Variants in SLITRK3 observed in about 807,000 individuals in gnomAD.
SLITRK3 encodes the protein SLIT and NTRK like family member 3, also known as SLIT and NTRK-like protein 3.
Under a neutral mutation model 63.6 loss-of-function variants are expected in SLITRK3, and 16 were observed. The ratio of observed to expected loss-of-function variants is 0.25; its 90% confidence interval spans 0.17 to 0.38. SLITRK3 has a LOEUF of 0.38. Ranked by LOEUF, SLITRK3 falls within the 10% of genes least tolerant of loss-of-function variation. The pLI is 1.00. For missense variants in SLITRK3, 1,117 were observed against 1,181.4 expected (o/e 0.95, Z 0.80); for synonymous variants, 547 against 451.6 (o/e 1.21, Z -2.68).
At position 165,187,575 on chromosome 3, in the gene SLITRK3, C is replaced by T. The variant is rs556220289; in HGVS notation, c.*322G>A. 489 of 224,068 alleles carry T rather than the reference C, an allele frequency of 2.2e-3. 2 individuals are homozygous for T. Among genetic ancestry groups the T allele is most frequent in the Non-Finnish European group, 3.2e-3 (369 of 115,430 alleles). 13.9% of individuals were successfully genotyped at this position (224,068 alleles called of 1,614,324 possible). A position where few individuals can be genotyped will look rare whatever the true frequency, so the allele number is the denominator to read the frequency against. Reference sequence around the variant, plus strand: ...ACTTAATTAGGATCCATACAATGATCCCCAGTATATCTTATACATGGCACA... The same window carrying T: ...ACTTAATTAGGATCCATACAATGATTCCCAGTATATCTTATACATGGCACA... On this transcript the variant is annotated 3_prime_UTR_variant, in exon 2 of 2. Transcript: ENST00000475390.
In SLITRK3 at chr3:165,187,604, A is replaced by T. The variant is rs1718001679; in HGVS notation, c.*293T>A. 3.5e-6 allele frequency: 1 copy of T among 282,432 alleles called. No individual in the cohort carries two copies. Among genetic ancestry groups the T allele is most frequent in the Non-Finnish European group, 6.6e-6 (1 of 150,912 alleles). The allele number at this position is 282,432 out of a possible 1,614,324, so 17.5% of individuals were successfully genotyped here. On this transcript the variant is annotated 3_prime_UTR_variant, in exon 2 of 2. Coordinates refer to ENST00000475390, the MANE Select transcript of SLITRK3 (RefSeq NM_001318810.2). ...AGTATATCTTATACATGGCACAGTC[A>T]AAGTCTCAAGTTTCAGTATAAAAAA...
upstream of SLITRK3, chr3:165,196,793 A>T (rs1258268433): frequency 7.8e-6 from 1 of 128,958 alleles, no homozygotes; most frequent in Admixed American, 8.2e-5. Context: ...CCTCCGCGCC[A>T]ACTGTGTAAA....
Position 165,186,874 on chromosome 3 carries a change from A to T in SLITRK3, c.*1023T>A, listed in dbSNP as rs1717972884. ...AATCTTTGTGTGTGAGAGAGAAAAC[A>T]TTAAAAGTGCTTCCTACAAAGCTGT... On this transcript the variant is annotated 3_prime_UTR_variant, in exon 2 of 2. Transcript: ENST00000475390. 6.6e-6 allele frequency: 1 copy of T among 152,522 alleles called. No homozygotes were observed. 9.4% of individuals were successfully genotyped at this position (152,522 alleles called of 1,614,324 possible).
Position 165,189,170 on chromosome 3 carries a change from A to C in SLITRK3, c.1661T>G (p.Ile554Ser), listed in dbSNP as rs772951567. 1 of 1,614,192 alleles carries C rather than the reference A, an allele frequency of 6.2e-7. No individual in the cohort carries two copies. The highest frequency in any genetic ancestry group is 8.5e-7 in the Non-Finnish European group (1 of 1,180,032). ...ATTCTCATTGAGGTCTATCTGGACA[A>C]TGGCATTCAAGTGTTCCAGGACACC... is the stretch of plus-strand genomic sequence containing the variant. ...VAGVLEHLNA[I>S]VQIDLNENPW... Residue 554 changes from isoleucine to serine, a missense_variant, in exon 2 of 2, where the codon ATT (isoleucine) becomes AGT (serine). Ile to Ser is a moderately radical substitution (Grantham distance 142). Around this residue, in one of 4 missense-constraint regions of SLITRK3, gnomAD observed 158 missense variants for 197.2 expected, o/e 0.80. Coordinates refer to ENST00000475390, the MANE Select transcript of SLITRK3 (RefSeq NM_001318810.2). The surrounding 1 kb of genome is among the most constrained non-coding windows in gnomAD (Gnocchi z 4.0).
In SLITRK3 at chr3:165,189,806, G is replaced by A. The variant is rs200407313; in HGVS notation, c.1025C>T (p.Pro342Leu). ...AGCTTGGGAGGTGGAGGGTGGCCTT[G>A]GTGTTCGAGGCTGTTTGGTGGGCTT... The part of the protein sequence containing the change: ...QPKPTKQPRT[P>L]RPPSTSQALY... Residue 342 changes from proline to leucine, a missense_variant, in exon 2 of 2, where the codon CCA (proline) becomes CTA (leucine). By Grantham distance (98) the Pro-to-Leu change is moderately conservative. Transcript: ENST00000475390. This position sits in a 1 kb window ranked among gnomAD's most constrained non-coding sequence, Gnocchi z 4.0. 1.6e-5 allele frequency: 26 copies of A among 1,613,960 alleles called. No homozygotes were observed. Among genetic ancestry groups the A allele is most frequent in the Non-Finnish European group, 2.1e-5 (25 of 1,180,028 alleles).
chr3:165,188,660 C>A lies in SLITRK3; in HGVS notation c.2171G>T (p.Arg724Leu). 1 of 1,613,798 alleles carries A rather than the reference C, an allele frequency of 6.2e-7. No homozygotes were observed. Among genetic ancestry groups the A allele is most frequent in the Non-Finnish European group, 8.5e-7 (1 of 1,179,922 alleles). Residue 724 changes from arginine to leucine, a missense_variant, in exon 2 of 2, where the codon CGA becomes CTA. Transcript: ENST00000475390. ...GGGGGSGGGGRPTLSSPEKAP... is the reference protein window; with the variant it reads ...GGGGGSGGGGLPTLSSPEKAP... Reference sequence around the variant, plus strand: ...CTTCTCTGGAGAGGAAAGAGTTGGTCGACCACCACCCCCACTTCCGCCACC... The same window carrying A: ...CTTCTCTGGAGAGGAAAGAGTTGGTAGACCACCACCCCCACTTCCGCCACC...
chr3:165,187,697 C>T lies in SLITRK3; in HGVS notation c.*200G>A. 1 of 491,596 alleles carries T rather than the reference C, an allele frequency of 2.0e-6. No individual in the cohort carries two copies. Among genetic ancestry groups the T allele is most frequent in the African/African-American group, 1.9e-5 (1 of 52,356 alleles). The allele number at this position is 491,596 out of a possible 1,614,324, so 30.5% of individuals were successfully genotyped here. A position where few individuals can be genotyped will look rare whatever the true frequency, so the allele number is the denominator to read the frequency against. The stretch of plus-strand genomic sequence containing the variant: ...CATTGATTAATGATCTGAGTATGGC[C>T]CTTCCTCCAAATCGCATCTGAGAGG... On this transcript the variant is annotated 3_prime_UTR_variant, in exon 2 of 2. Transcript: ENST00000475390.
intron 1 of SLITRK3, among the ~76,000 whole-genome samples, chr3:165,192,065 A>G (rs1416253186): frequency 6.6e-6 from 1 of 152,236 alleles, no homozygotes; most frequent in East Asian, 1.9e-4. Flanking sequence ...ATCAATCAAA[A>G]TTTAATAGCT....
At chr3:165,193,740 T>G (rs1718323988) in intron 1 of SLITRK3, among the ~76,000 whole-genome samples, 1 of 152,122 alleles carries the variant, frequency 6.6e-6, no homozygotes, top group South Asian at 2.1e-4. Context: ...AATGGTACAT[T>G]TCACATTGCG....
intron 1 of SLITRK3, among the ~76,000 whole-genome samples, chr3:165,193,754 C>A (rs1242946010): frequency 6.6e-6 from 1 of 152,100 alleles, no homozygotes; most frequent in East Asian, 1.9e-4. Flanking sequence ...CATTGCGCCA[C>A]CGGGAAAGAC....
rs557072559 is a variant in SLITRK3 at position 165,187,987 on chromosome 3, G to T, written c.2844C>A (p.Thr948=). The change falls in exon 2 of 2, where the codon ACC becomes ACA. Residue 948 remains threonine (T), a synonymous_variant. Transcript: ENST00000475390. Reference sequence around the variant, plus strand: ...TTAACTCGAGGTAATCACTTTTTTGGGTTTGGTGGTCTGTGAAGCCCTTTC... The same window carrying T: ...TTAACTCGAGGTAATCACTTTTTTGTGTTTGGTGGTCTGTGAAGCCCTTTC... The part of the protein sequence containing the change: ...SAGKGFTDHQ[T]QKSDYLELRA... 1 of 1,613,816 alleles carries T rather than the reference G, an allele frequency of 6.2e-7. No individual in the cohort carries two copies. Among genetic ancestry groups the T allele is most frequent in the Admixed American group, 1.7e-5 (1 of 59,962 alleles).
At chr3:165,196,417 G>T (rs564198758), upstream of SLITRK3, among the ~76,000 whole-genome samples, 1 of 138,142 alleles carries the variant, frequency 7.2e-6, no homozygotes, top group Non-Finnish European at 1.6e-5. Context: ...CTCACTTCTC[G>T]AGCGGGAGAA....
In SLITRK3 at chr3:165,188,536, A is replaced by G; in HGVS notation, c.2295T>C (p.Ala765=). ...IYKPREEEEV[A]VSSAQEAGSA... ...TCCCTGCTTCTTGGGCTGATGAAAC[A>G]GCCACCTCCTCCTCCTCACGAGGCT... Residue 765 remains alanine (A), a synonymous_variant, in exon 2 of 2, where the codon GCT becomes GCC. Transcript: ENST00000475390. 6.2e-7 allele frequency: 1 copy of G among 1,613,864 alleles called. No individual in the cohort carries two copies. Among genetic ancestry groups the G allele is most frequent in the Non-Finnish European group, 8.5e-7 (1 of 1,179,974 alleles).
chr3:165,187,149 G>C lies in SLITRK3; in HGVS notation c.*748C>G, dbSNP rs866974818. On this transcript the variant is annotated 3_prime_UTR_variant, in exon 2 of 2. Coordinates refer to ENST00000475390, the MANE Select transcript of SLITRK3 (RefSeq NM_001318810.2). The stretch of plus-strand genomic sequence containing the variant: ...TAGCAGTGAAGGGTGGTAGAACTAT[G>C]GAGAGGAGAAAAATGGATCAAACCC... 3 of 152,724 alleles carry C rather than the reference G, an allele frequency of 2.0e-5. No homozygotes were observed. The highest frequency in any genetic ancestry group is 2.9e-5 in the Non-Finnish European group (2 of 68,578). 9.5% of individuals were successfully genotyped at this position (152,724 alleles called of 1,614,324 possible). A position where few individuals can be genotyped will look rare whatever the true frequency, so the allele number is the denominator to read the frequency against.
At chr3:165,193,330 G>A (rs985228787) in intron 1 of SLITRK3, among the ~76,000 whole-genome samples, 11 of 151,120 alleles carry the variant, frequency 7.3e-5, no homozygotes, top group Admixed American at 7.3e-4. Flanking sequence ...AACTCTCAAG[G>A]AAACCATCCC....
At chr3:165,196,725 C>T (rs2108213325), upstream of SLITRK3, 1 of 152,400 alleles carries the variant, frequency 6.6e-6, no homozygotes, top group African/African-American at 2.4e-5. Context: ...TCGGGAGCCC[C>T]CAGATCAGCC....
intron 1 of SLITRK3, among the ~76,000 whole-genome samples, chr3:165,194,718 G>A (rs1251991920): frequency 6.6e-6 from 1 of 152,178 alleles, no homozygotes; most frequent in Non-Finnish European, 1.5e-5. Context: ...GAATCGATGG[G>A]TAACCCGGAG....
rs1426029604 is a variant in SLITRK3 at position 165,188,992 on chromosome 3, C to G, written c.1839G>C (p.Glu613Asp). ...CTCCAGCTGGTGCAACGTGCAGCAT[C>G]TCTGGGCAAAGAACTTCCAGCTCAA... ...RTIELEVLCP[E>D]MLHVAPAGES... Residue 613 changes from glutamate (E) to aspartate (D), a missense_variant, in exon 2 of 2, where the codon GAG (glutamate) becomes GAC (aspartate). By Grantham distance (45) the Glu-to-Asp change is conservative (BLOSUM62 2). Coordinates refer to ENST00000475390, the MANE Select transcript of SLITRK3 (RefSeq NM_001318810.2). The G allele has an allele frequency of 2.5e-6, 4 of 1,614,200 alleles. No homozygotes were observed. The highest frequency in any genetic ancestry group is 3.4e-6 in the Non-Finnish European group (4 of 1,180,030).
Position 165,189,174 on chromosome 3 carries a change from C to T in SLITRK3, c.1657G>A (p.Ala553Thr), listed in dbSNP as rs1359702563. 1 of 1,614,152 alleles carries T rather than the reference C, an allele frequency of 6.2e-7. No individual in the cohort carries two copies. Among genetic ancestry groups the T allele is most frequent in the South Asian group, 1.1e-5 (1 of 91,080 alleles). The change falls in exon 2 of 2, where the codon GCC becomes ACC. Residue 553 changes from alanine (A) to threonine (T), a missense_variant. Around this residue, in one of 4 missense-constraint regions of SLITRK3, gnomAD observed 158 missense variants for 197.2 expected, o/e 0.80. Transcript: ENST00000475390. This position sits in a 1 kb window ranked among gnomAD's most constrained non-coding sequence, Gnocchi z 4.0. ...PVAGVLEHLN[A>T]IVQIDLNENP... Reference sequence around the variant, plus strand: ...TCATTGAGGTCTATCTGGACAATGGCATTCAAGTGTTCCAGGACACCAGCC... The same window carrying T: ...TCATTGAGGTCTATCTGGACAATGGTATTCAAGTGTTCCAGGACACCAGCC...
Sources: allele counts gnomAD v4.1 joint callset (sites outside exome capture counted in the v4.1 genomes callset), GRCh38; gene constraint gnomAD v4.1.1; regional missense constraint gnomAD v4.1.1; non-coding constraint Gnocchi (gnomAD v3.1); transcripts MANE v1.5; gene names NCBI Gene and HGNC (gene_info 2026-07-23, HGNC 2026-07-21).